Variants in CADPS observed in about 807,000 individuals in gnomAD.
CADPS encodes calcium dependent secretion activator, also known as calcium-dependent secretion activator 1.
In CADPS, 57 loss-of-function variants were observed where a neutral mutation model predicts 167.3. The ratio of observed to expected loss-of-function variants is 0.34; its 90% CI spans 0.28 to 0.42. The LOEUF is 0.42. Ranked by LOEUF, CADPS falls within the 20% of genes least tolerant of loss-of-function variation. The pLI, the probability that CADPS is intolerant of heterozygous loss-of-function variation, is 1.00. For missense variants in CADPS, 1,414 were observed against 1,738.1 expected, an observed-to-expected ratio of 0.81 and a Z score of 3.32; for synonymous variants, 676 against 635.3, an observed-to-expected ratio of 1.06 and a Z score of -0.96.
intron 3 of CADPS, among the ~76,000 whole-genome samples, chr3:62,685,200 G>A (rs2077786558): frequency 6.6e-6 from 1 of 151,954 alleles, no homozygotes; most frequent in African/African-American, 2.4e-5. Context: ...AAACGGAGTG[G>A]TGATTTCACT....
chr3:62,827,968 G>A (rs1394991318), intron 1 of CADPS, among the ~76,000 whole-genome samples: 1 of 152,126 alleles, frequency 6.6e-6, no homozygotes, highest in African/African-American at 2.4e-5. Flanking sequence ...GGAAAATGTG[G>A]TTCACAGAAG....
intron 4 of CADPS, among the ~76,000 whole-genome samples, chr3:62,654,535 A>G (rs923217443): frequency 6.6e-6 from 1 of 152,158 alleles, no homozygotes; most frequent in African/African-American, 2.4e-5. Flanking sequence ...GGTGTATACA[A>G]CTTTACATAG....
intron 1 of CADPS, among the ~76,000 whole-genome samples, chr3:62,835,807 G>A (rs2075808845): frequency 6.6e-6 from 1 of 152,168 alleles, no homozygotes; most frequent in Admixed American, 6.6e-5. Context: ...ACTTGACAAT[G>A]CCCAGCAGAA....
chr3:62,409,968 C>A (rs1382603915), intron 28 of CADPS, among the ~76,000 whole-genome samples: 1 of 152,108 alleles, frequency 6.6e-6, no homozygotes, highest in East Asian at 1.9e-4. Context: ...TCCTGTGTTG[C>A]TTTTTTCTTC....
chr3:62,836,747 C>G (rs1181995227), intron 1 of CADPS, among the ~76,000 whole-genome samples: 1 of 152,134 alleles, frequency 6.6e-6, no homozygotes, highest in Admixed American at 6.5e-5. Context: ...TGTGGAGAAG[C>G]TTCTGAAGAA....
intron 28 of CADPS, among the ~76,000 whole-genome samples, chr3:62,423,987 C>T (rs1455128984): frequency 3.3e-5 from 5 of 152,288 alleles, no homozygotes; most frequent in South Asian, 2.1e-4. Context: ...AATCTTTCCT[C>T]GTGTTTTCCT....
At chr3:62,791,540 T>TTC (rs1308627674) in intron 1 of CADPS, among the ~76,000 whole-genome samples, 5 of 152,198 alleles carry the variant, frequency 3.3e-5, no homozygotes, top group Non-Finnish European at 5.9e-5. Context: ...TCCAGGTTGA[T>TTC]TCATATGAAA....
chr3:62,874,577 A>G lies in CADPS; in HGVS notation c.441+12T>C. Reference sequence around the variant, plus strand: ...CCGGGTGCTGCTCCCTGGGCCTCCCAGGCGCACCTACCTTCTGCTGCCGGC... The same window carrying G: ...CCGGGTGCTGCTCCCTGGGCCTCCCGGGCGCACCTACCTTCTGCTGCCGGC... On this transcript the variant is annotated intron_variant, in intron 1 of 29. Transcript: ENST00000383710. This position sits in a 1 kb window ranked among gnomAD's most constrained non-coding sequence, Gnocchi z 7.1. 6.5e-7 allele frequency: 1 copy of G among 1,540,516 alleles called. No individual in the cohort carries two copies. The highest frequency in any genetic ancestry group is 1.2e-5 in the South Asian group (1 of 83,416).
At chr3:62,536,378 G>A (rs2074690699) in intron 12 of CADPS, 67 bp downstream of exon 12, 2 of 1,358,174 alleles carry the variant, frequency 1.5e-6, no homozygotes, top group Non-Finnish European at 2.1e-6. Context: ...TGACATAAAG[G>A]TAGAGAAATA....
intron 5 of CADPS, among the ~76,000 whole-genome samples, chr3:62,650,210 C>CTACTG (rs1437133718): frequency 2.0e-5 from 3 of 152,142 alleles, no homozygotes; most frequent in African/African-American, 7.2e-5. Context: ...GATCCTAGCT[C>CTACTG]AGTAGATCTG....
intron 1 of CADPS, among the ~76,000 whole-genome samples, chr3:62,851,104 T>TG (rs1490483771): frequency 8.2e-6 from 1 of 121,900 alleles, no homozygotes; most frequent in African/African-American, 3.0e-5. Flanking sequence ...AACCCCTGCC[T>TG]TTTTTTGTTT....
At position 62,651,042 on chromosome 3, in the gene CADPS, T is replaced by C. The variant is rs781240485; in HGVS notation, c.1008A>G (p.Glu336=). 1.2e-6 allele frequency: 2 copies of C among 1,613,984 alleles called. No homozygotes were observed. The highest frequency in any genetic ancestry group is 1.7e-4 in the Middle Eastern group (1 of 6,060). The change falls in exon 5 of 30, where the codon GAA becomes GAG. Residue 336 remains glutamate, a synonymous_variant. Coordinates refer to ENST00000383710, the MANE Select transcript of CADPS (RefSeq NM_003716.4). ...KFPKFVSKEM[E]NMYIEELKSS... ...ACTTCAGCTCCTCAATGTACATGTT[T>C]TCCATTTCTTTGGATACAAACTTGG...
intron 9 of CADPS, among the ~76,000 whole-genome samples, chr3:62,560,935 T>A (rs1443531923): frequency 6.6e-6 from 1 of 151,902 alleles, no homozygotes; most frequent in African/African-American, 2.4e-5. Context: ...AAAAATTAGC[T>A]GGACGTGGCG....
chr3:62,639,886 T>G (rs78311830), intron 6 of CADPS, among the ~76,000 whole-genome samples: 5,748 of 152,166 alleles, frequency 0.038, 338 homozygotes, highest in African/African-American at 0.13. Flanking sequence ...CCTCCCTACC[T>G]CAAAGCCTTG....
rs928437045 is a variant in CADPS, at chr3:62,753,150, T to C, written c.888+291A>G. 3.9e-5 allele frequency among the ~76,000 whole-genome samples: 6 copies of C among 152,106 alleles called. No homozygotes were observed. Among genetic ancestry groups the C allele is most frequent in the Non-Finnish European group, 8.8e-5 (6 of 68,012 alleles). On this transcript the variant is annotated intron_variant, in intron 3 of 29. Coordinates refer to ENST00000383710, the MANE Select transcript of CADPS (RefSeq NM_003716.4). This position sits in a 1 kb window ranked among gnomAD's most constrained non-coding sequence, Gnocchi z 4.6. Reference sequence around the variant, plus strand: ...ATTGATTTTTAGCACTTTTGACACGTGGAAAACAAGCCTTACTCATAGGGC... The same window carrying C: ...ATTGATTTTTAGCACTTTTGACACGCGGAAAACAAGCCTTACTCATAGGGC...
rs2074719686 is a variant in CADPS, at chr3:62,536,519, CAA to C, written c.2027_2028del (p.Phe676Ter). On this transcript the variant is annotated frameshift_variant, in exon 12 of 30. Transcript: ENST00000383710. LOFTEE classifies it high-confidence loss of function. ...DEFISSNPCN[F>X]DHASLFEMVQ... ...ACCATCTCAAAGAGGGAAGCGTGGTCAAAGTTACAGGGGTTGGAAGAGATAAA... is the reference window on the plus strand; with the variant it reads ...ACCATCTCAAAGAGGGAAGCGTGGTCAGTTACAGGGGTTGGAAGAGATAAA... 6.2e-7 allele frequency: 1 copy of C among 1,613,322 alleles called. No homozygotes were observed. Among genetic ancestry groups the C allele is most frequent in the Non-Finnish European group, 8.5e-7 (1 of 1,179,504 alleles).
chr3:62,572,614 G>A (rs890105651), intron 8 of CADPS, among the ~76,000 whole-genome samples: 1 of 151,974 alleles, frequency 6.6e-6, no homozygotes, highest in Non-Finnish European at 1.5e-5. Context: ...CCTATTCTAT[G>A]ATTTACTTGA....
rs889148384 is a variant in CADPS, at chr3:62,853,635, AAAAAG to A, written c.441+20949_441+20953del. Among the ~76,000 whole-genome samples the A allele has an allele frequency of 4.4e-4, 66 of 150,508 alleles. No individual in the cohort carries two copies. The Middle Eastern group carries it at 0.017, about 39-fold the overall frequency. On this transcript the variant is annotated intron_variant, in intron 1 of 29. Coordinates refer to ENST00000383710, the MANE Select transcript of CADPS (RefSeq NM_003716.4). ...AGCAAAACTCCACTAAAAAAAAAAA[AAAAAG>A]AAAAGAAAAGAAAAGAAAGCATCTA...
At chr3:62,449,787 GT>G (rs1013853561) in intron 26 of CADPS, among the ~76,000 whole-genome samples, 13 of 138,320 alleles carry the variant, frequency 9.4e-5, no homozygotes, top group African/African-American at 3.4e-4. Context: ...TCCATCAATG[GT>G]TGTTAAAAGA....
Sources: gnomAD v4.1 joint callset for allele counts (sites outside exome capture counted in the v4.1 genomes callset) on GRCh38, gnomAD v4.1.1 for gene constraint, Gnocchi (gnomAD v3.1) non-coding constraint, MANE v1.5 for transcripts, NCBI Gene and HGNC (gene_info 2026-07-23, HGNC 2026-07-21) for gene names.